Variants in SUMF1 observed in about 807,000 individuals in gnomAD.
The protein encoded by SUMF1 is formylglycine-generating enzyme.
SUMF1 carries 48 observed loss-of-function variants against 47.6 expected under a neutral mutation model. The ratio of observed to expected loss-of-function variants is 1.01; its 90% CI spans 0.80 to 1.28. SUMF1 has a LOEUF of 1.28. Among genes scored for constraint, SUMF1 ranks in the 50% most tolerant of loss-of-function variants. The probability of loss-of-function intolerance (pLI) is 0.00; values close to 1 mark genes in which losing one functional copy is unlikely to be tolerated. For missense variants in SUMF1, 571 were observed against 485.4 expected, an observed-to-expected ratio of 1.18 and a Z score of -1.66; for synonymous variants, 230 against 192.1, an observed-to-expected ratio of 1.20 and a Z score of -1.63.
chr3:4,466,899 G>C, intron 1 of SUMF1, 77 bp downstream of exon 1: 1 of 1,554,552 alleles, frequency 6.4e-7, no homozygotes, highest in South Asian at 1.2e-5. Context: ...CTTCCTACTA[G>C]TGCCTTGCTT....
At chr3:4,386,036 A>AAGT (rs143312448) in intron 7 of SUMF1, among the ~76,000 whole-genome samples, 9,860 of 152,210 alleles carry the variant, frequency 0.065, 417 homozygotes, top group African/African-American at 0.12. Flanking sequence ...TACTGTAGCT[A>AAGT]AGTAGTAAGT....
intron 5 of SUMF1, among the ~76,000 whole-genome samples, 191 bp from the exon 6 acceptor site, chr3:4,417,433 G>T (rs941841805): frequency 6.6e-6 from 1 of 152,046 alleles, no homozygotes; most frequent in African/African-American, 2.4e-5. Flanking sequence ...CTCATGTCAC[G>T]TCCACAACAG....
chr3:4,127,573 GTTC>G (rs2125083561), intron 8 of SUMF1, among the ~76,000 whole-genome samples: 1 of 152,246 alleles, frequency 6.6e-6, no homozygotes, highest in South Asian at 2.1e-4. Context: ...CGGACTCCAA[GTTC>G]TTCAGTTTTG....
chr3:4,286,707 T>C (rs1372930363), intron 8 of SUMF1, among the ~76,000 whole-genome samples: 2 of 152,166 alleles, frequency 1.3e-5, no homozygotes, highest in East Asian at 1.9e-4. Flanking sequence ...AGTTCAAAGA[T>C]GTTTTATCAG....
At chr3:4,104,316 C>A (rs577590715) in intron 8 of SUMF1, among the ~76,000 whole-genome samples, 13 of 152,150 alleles carry the variant, frequency 8.5e-5, no homozygotes, top group Admixed American at 7.9e-4. Flanking sequence ...GTGAGGCCTC[C>A]CCAGTCATGT....
Position 4,055,683 on chromosome 3 carries a change from A to T in SUMF1, c.1191+12886T>A, listed in dbSNP as rs185322859. Among the ~76,000 whole-genome samples the T allele has an allele frequency of 8.2e-4, 124 of 152,128 alleles. 1 individual carries two copies. Among genetic ancestry groups the T allele is most frequent in the East Asian group, 2.5e-3 (13 of 5,152 alleles). On this transcript the variant is annotated intron_variant and NMD_transcript_variant, in intron 9 of 12. Transcript: ENST00000448413. ...TTTTTTGTAGAGATGGGGTCTTGCTATGTTGCCCAGTCTAGCCTCAAGTGA... is the reference window on the plus strand; with the variant it reads ...TTTTTTGTAGAGATGGGGTCTTGCTTTGTTGCCCAGTCTAGCCTCAAGTGA...
chr3:4,449,403 CT>C, intron 2 of SUMF1, 63 bp from the exon 3 acceptor site: 1 of 1,480,576 alleles, frequency 6.8e-7, no homozygotes, highest in Non-Finnish European at 9.4e-7. Flanking sequence ...CATGTGTGCC[CT>C]TTTCTCTCCA....
chr3:4,149,982 T>G (rs1694280978), intron 8 of SUMF1, among the ~76,000 whole-genome samples: 1 of 152,176 alleles, frequency 6.6e-6, no homozygotes, highest in Non-Finnish European at 1.5e-5. Flanking sequence ...CTCTGGAGAT[T>G]TGGTTTACTG....
intron 8 of SUMF1, among the ~76,000 whole-genome samples, chr3:4,214,960 T>A (rs1574985937): frequency 6.6e-6 from 1 of 151,992 alleles, no homozygotes; most frequent in African/African-American, 2.4e-5. Flanking sequence ...CCAAATTCTA[T>A]CAGAGGTACA....
chr3:4,219,673 AC>A (rs1696018584), intron 8 of SUMF1, among the ~76,000 whole-genome samples: 1 of 152,134 alleles, frequency 6.6e-6, no homozygotes, highest in Admixed American at 6.6e-5. Flanking sequence ...GCTGGAATTT[AC>A]CATGCAGGCC....
At chr3:4,167,611 T>C (rs575519332) in intron 8 of SUMF1, among the ~76,000 whole-genome samples, 1 of 152,144 alleles carries the variant, frequency 6.6e-6, no homozygotes, top group Non-Finnish European at 1.5e-5. Context: ...TGGTGCATTT[T>C]ACAATCCCCT....
chr3:4,125,997 T>C (rs1366808272), intron 8 of SUMF1, among the ~76,000 whole-genome samples: 1 of 152,048 alleles, frequency 6.6e-6, no homozygotes, highest in African/African-American at 2.4e-5. Flanking sequence ...ATTAAGCCCA[T>C]GCTAGTGCCT....
At chr3:4,318,060 TAC>T (rs767055862) in intron 8 of SUMF1, among the ~76,000 whole-genome samples, 10 of 151,656 alleles carry the variant, frequency 6.6e-5, no homozygotes, top group African/African-American at 2.4e-4. Context: ...GTTACATACA[TAC>T]ACACACACAC....
At chr3:4,115,034 T>C (rs1693390161) in intron 8 of SUMF1, among the ~76,000 whole-genome samples, 1 of 151,742 alleles carries the variant, frequency 6.6e-6, no homozygotes, top group South Asian at 2.1e-4. Context: ...ATGTTGCATT[T>C]TTCCAAGACC....
chr3:4,441,016 A>C (rs1477079600), intron 3 of SUMF1, among the ~76,000 whole-genome samples: 1 of 152,170 alleles, frequency 6.6e-6, no homozygotes, highest in Non-Finnish European at 1.5e-5. Context: ...TATCTATAGC[A>C]AGGGTCCCCA....
intron 8 of SUMF1, among the ~76,000 whole-genome samples, chr3:4,247,662 G>C (rs1696700092): frequency 1.3e-5 from 2 of 152,124 alleles, no homozygotes; most frequent in South Asian, 4.1e-4. Flanking sequence ...CTGACTTCTA[G>C]ACTAAAACTG....
At chr3:4,104,280 T>A (rs1693105556) in intron 8 of SUMF1, among the ~76,000 whole-genome samples, 1 of 152,158 alleles carries the variant, frequency 6.6e-6, no homozygotes. Flanking sequence ...CCATGTAAGA[T>A]GTGCCTTTCA....
intron 8 of SUMF1, among the ~76,000 whole-genome samples, chr3:4,211,854 C>A (rs897592797): frequency 1.3e-5 from 2 of 152,162 alleles, no homozygotes; most frequent in Non-Finnish European, 2.9e-5. Context: ...TGCAGTTCAG[C>A]AAGGCCTCCG....
At chr3:4,384,694 A>C (rs1700614373) in intron 7 of SUMF1, among the ~76,000 whole-genome samples, 1 of 152,044 alleles carries the variant, frequency 6.6e-6, no homozygotes, top group Non-Finnish European at 1.5e-5. Context: ...GTAGTATTCC[A>C]TGGTGTGGAT....
Sources: allele counts gnomAD v4.1 joint callset (sites outside exome capture counted in the v4.1 genomes callset), GRCh38; gene constraint gnomAD v4.1.1; transcripts MANE v1.5; gene names NCBI Gene and HGNC (gene_info 2026-07-23, HGNC 2026-07-21).